VXN: variants seen among roughly 807,000 people sequenced by gnomAD.
VXN encodes the protein vexin.
Under a neutral mutation model 23.1 loss-of-function variants are expected in VXN, and 7 were observed. That is an observed-to-expected ratio of 0.30 (90% CI 0.17 to 0.57). The LOEUF is 0.57. VXN is among the 20% of genes least tolerant of loss of function. The pLI, the probability that VXN is intolerant of heterozygous loss-of-function variation, is 0.91. For synonymous variants in VXN, 120 were observed against 105.8 expected, an observed-to-expected ratio of 1.13 and a Z score of -0.83; for missense variants, 238 against 272.6, an observed-to-expected ratio of 0.87 and a Z score of 0.89.
intron 2 of VXN, chr8:66,503,659 C>G (rs1807715619): frequency 6.6e-6 from 1 of 152,216 alleles, no homozygotes; most frequent in Non-Finnish European, 1.5e-5. Context: ...CATTAACATC[C>G]CATACCACCA....
chr8:66,497,232 G>GA (rs1038079172), intron 2 of VXN, among the ~76,000 whole-genome samples: 27 of 151,450 alleles, frequency 1.8e-4, no homozygotes, highest in African/African-American at 5.6e-4. Context: ...CCTCAAAGTA[G>GA]AAAAAAAAGG....
intron 1 of VXN, among the ~76,000 whole-genome samples, chr8:66,494,207 T>TGGCTTCTCCACAGAACCCAGGGCC (rs1586513582): frequency 6.6e-6 from 1 of 152,246 alleles, no homozygotes; most frequent in East Asian, 1.9e-4. Flanking sequence ...GACCCTGGGC[T>TGGCTTCTCCACAGAACCCAGGGCC]GGCTTCTCCA....
In VXN at chr8:66,515,924, T is replaced by A; in HGVS notation, c.472T>A (p.Tyr158Asn). The A allele has an allele frequency of 6.2e-7, 1 of 1,611,122 alleles. No homozygotes were observed. Among genetic ancestry groups the A allele is most frequent in the Non-Finnish European group, 8.5e-7 (1 of 1,178,752 alleles). ...SRHLKKMTEE[Y>N]PALPQGAEAS... The stretch of plus-strand genomic sequence containing the variant: ...ACATCTCAAGAAGATGACTGAAGAG[T>A]ATCCAGCCCTTCCCCAAGGAGCAGA... Residue 158 changes from tyrosine (Y) to asparagine (N), a missense_variant, in exon 6 of 6, where the codon TAT becomes AAT. Tyr to Asn is a moderately radical substitution (Grantham distance 143, BLOSUM62 -2). Coordinates refer to ENST00000305454, the MANE Select transcript of VXN (RefSeq NM_152765.4).
chr8:66,508,916 G>A (rs1057334497), intron 3 of VXN, among the ~76,000 whole-genome samples: 1 of 152,144 alleles, frequency 6.6e-6, no homozygotes, highest in Admixed American at 6.5e-5. Flanking sequence ...AATTGATTGA[G>A]CTCAGGAGGT....
intron 3 of VXN, among the ~76,000 whole-genome samples, chr8:66,506,953 A>C (rs1230842153): frequency 6.6e-6 from 1 of 152,186 alleles, no homozygotes; most frequent in Non-Finnish European, 1.5e-5. Context: ...TGTGGAAAGA[A>C]GAAGAGACAG....
chr8:66,515,954 T>A lies in VXN; in HGVS notation c.502T>A (p.Ser168Thr), dbSNP rs750260511. The part of the protein sequence containing the change: ...YPALPQGAEA[S>T]LPLTGSASCG... Reference sequence around the variant, plus strand: ...AGCCCTTCCCCAAGGAGCAGAAGCCTCTCTACCACTGACAGGCAGTGCTTC... The same window carrying A: ...AGCCCTTCCCCAAGGAGCAGAAGCCACTCTACCACTGACAGGCAGTGCTTC... Residue 168 changes from serine to threonine, a missense_variant, in exon 6 of 6, where the codon TCT (serine) becomes ACT (threonine). Physicochemically the swap from Ser to Thr is moderately conservative, Grantham distance 58. Around this residue, in one of 2 missense-constraint regions of VXN, gnomAD observed 223 missense variants for 236.9 expected, o/e 0.94. Coordinates refer to ENST00000305454, the MANE Select transcript of VXN (RefSeq NM_152765.4). The A allele has an allele frequency of 6.2e-7, 1 of 1,613,740 alleles. No homozygotes were observed. The highest frequency in any genetic ancestry group is 2.2e-5 in the East Asian group (1 of 44,830).
intron 2 of VXN, among the ~76,000 whole-genome samples, chr8:66,504,581 A>AT (rs1807728657): frequency 1.3e-5 from 2 of 152,202 alleles, no homozygotes. Context: ...TTTTATTACA[A>AT]TTTTTTCCAA....
chr8:66,510,970 G>A lies in VXN; in HGVS notation c.342+813G>A, dbSNP rs533311865. Among the ~76,000 whole-genome samples the A allele has an allele frequency of 1.7e-3, 252 of 152,270 alleles. 1 individual carries two copies. Among genetic ancestry groups the A allele is most frequent in the Non-Finnish European group, 3.1e-3 (214 of 68,022 alleles). Reference sequence around the variant, plus strand: ...ACCCACTCAGACTGGTCTGAGTCAGGCTGAAATGACCAAGCTTTTATGTTC... The same window carrying A: ...ACCCACTCAGACTGGTCTGAGTCAGACTGAAATGACCAAGCTTTTATGTTC... On this transcript the variant is annotated intron_variant, in intron 4 of 5. Coordinates refer to ENST00000305454, the MANE Select transcript of VXN (RefSeq NM_152765.4).
intron 2 of VXN, among the ~76,000 whole-genome samples, chr8:66,499,159 A>G (rs1250057173): frequency 6.6e-6 from 1 of 150,450 alleles, no homozygotes; most frequent in Non-Finnish European, 1.5e-5. Context: ...AAATGATTTA[A>G]TGCATATAAA....
At chr8:66,497,429 C>T (rs1343311666) in intron 2 of VXN, among the ~76,000 whole-genome samples, 1 of 152,190 alleles carries the variant, frequency 6.6e-6, no homozygotes, top group Non-Finnish European at 1.5e-5. Context: ...AATGCTTGTC[C>T]ATTTACCACC....
chr8:66,513,457 C>T (rs964233112), intron 4 of VXN, 83 bp from the exon 5 acceptor site: 2 of 1,129,538 alleles, frequency 1.8e-6, no homozygotes, highest in Middle Eastern at 2.0e-4. Context: ...CCATTCAGTC[C>T]CCCCACTTGC....
At chr8:66,495,547 C>T (rs184401325) in intron 1 of VXN, among the ~76,000 whole-genome samples, 1 of 152,272 alleles carries the variant, frequency 6.6e-6, no homozygotes, top group East Asian at 1.9e-4. Context: ...AAAGTGATTT[C>T]CAATTTTATT....
intron 4 of VXN, among the ~76,000 whole-genome samples, chr8:66,511,330 C>T (rs992156696): frequency 1.3e-5 from 2 of 152,142 alleles, no homozygotes; most frequent in African/African-American, 4.8e-5. Context: ...ATGTGAGAAC[C>T]GGAAGAGACC....
At chr8:66,512,946 C>T (rs1807841534) in intron 4 of VXN, among the ~76,000 whole-genome samples, 1 of 152,174 alleles carries the variant, frequency 6.6e-6, no homozygotes, top group South Asian at 2.1e-4. Context: ...GTCAATCTGC[C>T]CTGCAAGGTG....
At chr8:66,512,829 G>T (rs1347587420) in intron 4 of VXN, among the ~76,000 whole-genome samples, 1 of 152,120 alleles carries the variant, frequency 6.6e-6, no homozygotes, top group African/African-American at 2.4e-5. Context: ...AGAGAAGGGA[G>T]CACCCGCTGC....
Position 66,515,901 on chromosome 8 carries a change from A to G in VXN, c.449A>G (p.His150Arg), listed in dbSNP as rs774931347. The G allele has an allele frequency of 1.8e-5, 28 of 1,595,786 alleles. No individual in the cohort carries two copies. The highest frequency in any genetic ancestry group is 1.7e-4 in the South Asian group (15 of 89,004). Reference protein sequence around the residue: ...KGAVLMRGSRHLKKMTEEYPA... With the variant: ...KGAVLMRGSRRLKKMTEEYPA... ...TCCTGGCTTTTCTTTAGATCCAGAC[A>G]TCTCAAGAAGATGACTGAAGAGTAT... is the stretch of plus-strand genomic sequence containing the variant. Residue 150 changes from histidine to arginine, a missense_variant, in exon 6 of 6, where the codon CAT becomes CGT. Coordinates refer to ENST00000305454, the MANE Select transcript of VXN (RefSeq NM_152765.4).
chr8:66,498,167 C>CAAAA (rs57990704), intron 2 of VXN, among the ~76,000 whole-genome samples: 2 of 121,054 alleles, frequency 1.7e-5, no homozygotes, highest in African/African-American at 6.3e-5. Flanking sequence ...GACTCCGTCT[C>CAAAA]AAAAAAAAAA....
chr8:66,511,044 C>CT (rs1423554424), intron 4 of VXN, among the ~76,000 whole-genome samples: 1 of 152,198 alleles, frequency 6.6e-6, no homozygotes, highest in Admixed American at 6.5e-5. Flanking sequence ...AGGGTGTGAC[C>CT]TTGACAAGGT....
intron 3 of VXN, 38 bp downstream of exon 3, chr8:66,505,566 G>A: frequency 6.9e-7 from 1 of 1,446,844 alleles, no homozygotes; most frequent in Non-Finnish European, 9.1e-7. Flanking sequence ...GCACCTCCCT[G>A]GGCGCAGAGA....
Sources: allele counts gnomAD v4.1 joint callset (sites outside exome capture counted in the v4.1 genomes callset), GRCh38; gene constraint gnomAD v4.1.1; regional missense constraint gnomAD v4.1.1; transcripts MANE v1.5; gene names NCBI Gene and HGNC (gene_info 2026-07-23, HGNC 2026-07-21).